Variants in SLC25A48 observed in about 807,000 individuals in gnomAD.
SLC25A48 encodes solute carrier family 25 member 48.
A neutral mutation model predicts 32.2 loss-of-function variants in SLC25A48; 29 were observed. The observed-to-expected ratio is 0.90, with a 90% confidence interval of 0.67 to 1.23. SLC25A48 has a LOEUF of 1.23. Among genes scored for constraint, SLC25A48 ranks in the 50% most tolerant of loss-of-function variants. The pLI is 0.00. For synonymous variants in SLC25A48, 164 were observed against 172.3 expected (o/e 0.95, Z 0.38); for missense variants, 399 against 422.7 (o/e 0.94, Z 0.49).
chr5:135,836,959 T>TCCCCCCCCTCC (rs1758559331), intron 1 of SLC25A48, among the ~76,000 whole-genome samples: 1 of 24,830 alleles, frequency 4.0e-5, no homozygotes, highest in African/African-American at 1.3e-4. Context: ...TTTGATATTA[T>TCCCCCCCCTCC]CCCCCCCCCC....
chr5:135,683,343 T>A (rs770136050), intron 3 of SLC25A48, among the ~76,000 whole-genome samples: 8 of 152,210 alleles, frequency 5.3e-5, no homozygotes, highest in Non-Finnish European at 1.0e-4. Flanking sequence ...GCATCACATG[T>A]TTATTGGGCC....
intron 1 of SLC25A48, among the ~76,000 whole-genome samples, chr5:135,624,221 G>A (rs528570466): frequency 1.3e-4 from 20 of 152,304 alleles, no homozygotes; most frequent in Non-Finnish European, 2.4e-4. Context: ...GAACCATAGC[G>A]CAGTGATGGG....
intron 3 of SLC25A48, among the ~76,000 whole-genome samples, chr5:135,659,941 G>A (rs889959168): frequency 2.6e-5 from 4 of 152,208 alleles, no homozygotes; most frequent in Admixed American, 6.5e-5. Flanking sequence ...ACCCACCTTC[G>A]GGAATTACAG....
intron 1 of SLC25A48, among the ~76,000 whole-genome samples, chr5:135,587,627 A>G (rs1270180751): frequency 6.6e-6 from 1 of 152,206 alleles, no homozygotes; most frequent in Non-Finnish European, 1.5e-5. Flanking sequence ...TTTACCTGCC[A>G]GGTAAATACT....
chr5:135,820,804 ATAGAT>A (rs1255121611), intron 4 of SLC25A48, among the ~76,000 whole-genome samples: 3 of 152,236 alleles, frequency 2.0e-5, no homozygotes, highest in Non-Finnish European at 1.5e-5. Context: ...TAAATTTGAC[ATAGAT>A]TAAAGAGTTA....
At chr5:135,676,661 T>C (rs1390458220) in intron 3 of SLC25A48, among the ~76,000 whole-genome samples, 1 of 152,062 alleles carries the variant, frequency 6.6e-6, no homozygotes, top group Admixed American at 6.5e-5. Context: ...ATGTTGTGTT[T>C]CAATTGTCAT....
At chr5:135,584,969 T>C (rs779959261) in intron 1 of SLC25A48, among the ~76,000 whole-genome samples, 13 of 152,240 alleles carry the variant, frequency 8.5e-5, no homozygotes, top group African/African-American at 3.1e-4. Flanking sequence ...GTTCTTGTTA[T>C]AACAGCAACT....
intron 3 of SLC25A48, among the ~76,000 whole-genome samples, chr5:135,790,831 C>A (rs1757007675): frequency 6.6e-6 from 1 of 151,836 alleles, no homozygotes; most frequent in African/African-American, 2.4e-5. Flanking sequence ...CCTAATGTCA[C>A]AGTGGGTGTA....
At chr5:135,832,372 G>T (rs1758237566), upstream of SLC25A48, among the ~76,000 whole-genome samples, 1 of 152,186 alleles carries the variant, frequency 6.6e-6, no homozygotes, top group South Asian at 2.1e-4. Context: ...CAGGCGGCAT[G>T]GGCAGCGCCT....
At position 135,834,739 on chromosome 5, in the gene SLC25A48, T is replaced by G. The variant is rs951727593; in HGVS notation, c.-109T>G. ...GTTTGGAGTAGGACCTGCGGCGTGC[T>G]CGAGACTCCGACTTCGGTCTTGCGG... On this transcript the variant is annotated 5_prime_UTR_variant, in exon 1 of 8. Transcript: ENST00000681962. The G allele has an allele frequency of 6.4e-6, 8 of 1,241,774 alleles. No individual in the cohort carries two copies. In the Admixed American group the frequency reaches 1.1e-4, roughly 17 times the overall value. The allele number at this position is 1,241,774 out of a possible 1,614,324, so 76.9% of individuals were successfully genotyped here. A position where few individuals can be genotyped will look rare whatever the true frequency, so the allele number is the denominator to read the frequency against.
chr5:135,878,087 C>T (rs546114666), intron 6 of SLC25A48, among the ~76,000 whole-genome samples: 44 of 152,304 alleles, frequency 2.9e-4, no homozygotes, highest in Middle Eastern at 6.8e-3. Flanking sequence ...GGGACTCGGT[C>T]TGGAGGTCAT....
chr5:135,857,211 C>T (rs905892225), intron 4 of SLC25A48, among the ~76,000 whole-genome samples: 2 of 152,240 alleles, frequency 1.3e-5, no homozygotes, highest in Admixed American at 6.5e-5. Flanking sequence ...TCCACTCCAG[C>T]TTTCCCTGTA....
At chr5:135,770,788 A>G (rs1382011941) in intron 3 of SLC25A48, among the ~76,000 whole-genome samples, 2 of 151,828 alleles carry the variant, frequency 1.3e-5, no homozygotes, top group Non-Finnish European at 2.9e-5. Flanking sequence ...ATTACTCCCA[A>G]TATCGCAAAG....
chr5:135,881,426 A>T (rs534801928), intron 7 of SLC25A48, among the ~76,000 whole-genome samples: 1 of 152,356 alleles, frequency 6.6e-6, no homozygotes, highest in African/African-American at 2.4e-5. Context: ...TCAGCCCAGG[A>T]CAAGCCCCAG....
chr5:135,885,862 A>T (rs1762694041), intron 7 of SLC25A48, among the ~76,000 whole-genome samples: 2 of 152,242 alleles, frequency 1.3e-5, no homozygotes, highest in South Asian at 4.1e-4. Context: ...ATATATTGTC[A>T]TGGAAATATG....
At chr5:135,650,909 A>G (rs1753096323) in intron 3 of SLC25A48, among the ~76,000 whole-genome samples, 1 of 152,152 alleles carries the variant, frequency 6.6e-6, no homozygotes, top group African/African-American at 2.4e-5. Flanking sequence ...ACAGAATAAT[A>G]TACATATGTT....
chr5:135,830,622 T>A (rs1323272934), upstream of SLC25A48, among the ~76,000 whole-genome samples: 2 of 152,170 alleles, frequency 1.3e-5, no homozygotes, highest in African/African-American at 4.8e-5. Flanking sequence ...AAGGAAGAAA[T>A]CCTGCTCCCA....
chr5:135,685,144 C>CT (rs1753988734), intron 3 of SLC25A48, among the ~76,000 whole-genome samples: 1 of 151,948 alleles, frequency 6.6e-6, no homozygotes, highest in Admixed American at 6.6e-5. Flanking sequence ...TTGAATTTCT[C>CT]TTTTTTATGC....
At chr5:135,775,838 G>T (rs1756542904) in intron 3 of SLC25A48, among the ~76,000 whole-genome samples, 1 of 151,540 alleles carries the variant, frequency 6.6e-6, no homozygotes, top group Non-Finnish European at 1.5e-5. Flanking sequence ...TATCGTGGGG[G>T]TTGTACGCCC....
Sources: gnomAD v4.1 joint callset for allele counts (sites outside exome capture counted in the v4.1 genomes callset) on GRCh38, gnomAD v4.1.1 for gene constraint, MANE v1.5 for transcripts, NCBI Gene and HGNC (gene_info 2026-07-23, HGNC 2026-07-21) for gene names.